Variants in GLI3 observed in about 807,000 individuals in gnomAD.
GLI3 encodes GLI family zinc finger 3.
In GLI3, 20 loss-of-function variants were observed where a neutral mutation model predicts 100.8. The ratio of observed to expected loss-of-function variants is 0.20; its 90% CI spans 0.14 to 0.29. GLI3 has a LOEUF of 0.29. GLI3 is among the 10% of genes least tolerant of loss of function. The pLI, the probability that GLI3 is intolerant of heterozygous loss-of-function variation, is 1.00. For synonymous variants in GLI3, 938 were observed against 860.5 expected, an observed-to-expected ratio of 1.09 and a Z score of -1.58; for missense variants, 2,040 against 2,128.5, an observed-to-expected ratio of 0.96 and a Z score of 0.82.
chr7:41,987,077 A>C (rs1787845870), intron 10 of GLI3, among the ~76,000 whole-genome samples: 1 of 134,250 alleles, frequency 7.4e-6, no homozygotes. Context: ...AACTTCTGCT[A>C]CAACATACAC....
intron 2 of GLI3, among the ~76,000 whole-genome samples, chr7:42,183,172 C>T (rs111337432): frequency 0.072 from 10,933 of 151,946 alleles, 434 homozygotes; most frequent in Middle Eastern, 0.11. Flanking sequence ...TGCAGTGAGC[C>T]GAGATTGCGC....
intron 3 of GLI3, among the ~76,000 whole-genome samples, chr7:42,126,039 G>T (rs1253179453): frequency 6.6e-6 from 1 of 151,948 alleles, no homozygotes; most frequent in African/African-American, 2.4e-5. Flanking sequence ...AACTTAAAAG[G>T]AATTTTTTTA....
intron 4 of GLI3, among the ~76,000 whole-genome samples, chr7:42,060,279 T>C (rs1784540395): frequency 6.6e-6 from 1 of 152,184 alleles, no homozygotes; most frequent in Admixed American, 6.5e-5. Context: ...CCTTGTTGAG[T>C]ACTGATTTCC....
At position 41,966,658 on chromosome 7, in the gene GLI3, G is replaced by A. The variant is rs766990030; in HGVS notation, c.2432-17C>T. 1.9e-6 allele frequency: 3 copies of A among 1,613,698 alleles called. No homozygotes were observed. The highest frequency in any genetic ancestry group is 2.5e-6 in the Non-Finnish European group (3 of 1,179,820). ...ACTGTGTGCCTGGAGACAGAGAAAG[G>A]GAGAGACCATGCGGAGATGAATTCC... On this transcript the variant is annotated splice_polypyrimidine_tract_variant and intron_variant, in intron 14 of 14. Transcript: ENST00000395925. The surrounding 1 kb of genome is among the most constrained non-coding windows in gnomAD (Gnocchi z 5.8).
intron 10 of GLI3, among the ~76,000 whole-genome samples, chr7:41,982,712 A>T (rs866946221): frequency 6.6e-6 from 1 of 151,960 alleles, no homozygotes; most frequent in Non-Finnish European, 1.5e-5. Flanking sequence ...AAAAAAAAAA[A>T]AAAGAAAATA....
intron 2 of GLI3, among the ~76,000 whole-genome samples, chr7:42,205,128 T>C (rs143007848): frequency 6.4e-4 from 98 of 152,324 alleles, no homozygotes; most frequent in Middle Eastern, 3.4e-3. Context: ...AAGGGATGTA[T>C]AGCCTGCTAT....
intron 2 of GLI3, among the ~76,000 whole-genome samples, chr7:42,185,354 C>G (rs1048572445): frequency 3.3e-5 from 5 of 152,216 alleles, no homozygotes. Flanking sequence ...AGGCTGCTTT[C>G]TTATTCCCTA....
chr7:42,188,702 A>C (rs1787767535), intron 2 of GLI3, among the ~76,000 whole-genome samples: 1 of 152,230 alleles, frequency 6.6e-6, no homozygotes. Context: ...AAAGACATGG[A>C]GGAAACTTAT....
chr7:42,101,399 G>A (rs764748875), intron 3 of GLI3, among the ~76,000 whole-genome samples: 40 of 152,030 alleles, frequency 2.6e-4, no homozygotes, highest in Non-Finnish European at 3.2e-4. Context: ...CCAAGAGTTC[G>A]AGACCACCCT....
intron 10 of GLI3, among the ~76,000 whole-genome samples, chr7:42,018,639 C>T (rs1788840026): frequency 6.6e-6 from 1 of 152,160 alleles, no homozygotes; most frequent in South Asian, 2.1e-4. Context: ...CATTTTCATG[C>T]TGCTGATGTA....
At position 42,023,586 on chromosome 7, in the gene GLI3, A is replaced by C; in HGVS notation, c.1379T>G (p.Leu460Arg). Reference protein sequence around the residue: ...GQQEQPEGTTLVKEEGDKDES... With the variant: ...GQQEQPEGTTRVKEEGDKDES... ...ATCTTTGTCCCCTTCCTCCTTGACAAGGGTTGTTCCTTCGGGCTGTTCCTG... is the reference window on the plus strand; with the variant it reads ...ATCTTTGTCCCCTTCCTCCTTGACACGGGTTGTTCCTTCGGGCTGTTCCTG... Residue 460 changes from leucine (L) to arginine (R), a missense_variant, in exon 10 of 15, where the codon CTT (leucine) becomes CGT (arginine). By Grantham distance (102) the Leu-to-Arg change is moderately radical. This residue lies in a region of GLI3 where 603 missense variants were observed against 690.9 expected (regional missense o/e 0.87). Transcript: ENST00000395925. The C allele has an allele frequency of 8.5e-7, 1 of 1,171,318 alleles. No individual in the cohort carries two copies. The highest frequency in any genetic ancestry group is 3.6e-5 in the East Asian group (1 of 27,580). 72.6% of individuals were successfully genotyped at this position (1,171,318 alleles called of 1,614,324 possible).
Position 42,182,703 on chromosome 7 carries a change from T to C in GLI3, c.125-34235A>G, listed in dbSNP as rs751757535. On this transcript the variant is annotated intron_variant, in intron 2 of 14. Coordinates refer to ENST00000395925, the MANE Select transcript of GLI3 (RefSeq NM_000168.6). ...ATATACACATGTGTGTATATATATA[T>C]ACACACATATAAATACACACACACA... is the stretch of plus-strand genomic sequence containing the variant. 3.4e-3 allele frequency among the ~76,000 whole-genome samples: 351 copies of C among 104,240 alleles called. 9 individuals carry two copies. Among genetic ancestry groups the C allele is most frequent in the Non-Finnish European group, 4.0e-3 (221 of 55,212 alleles). 68.4% of individuals were successfully genotyped at this position (104,240 alleles called of 152,430 possible).
At chr7:42,219,991 C>T (rs1456124716) in intron 2 of GLI3, among the ~76,000 whole-genome samples, 1 of 151,770 alleles carries the variant, frequency 6.6e-6, no homozygotes, top group African/African-American at 2.4e-5. Flanking sequence ...GTGGCTGGGA[C>T]TACAGGCACC....
chr7:42,121,078 C>G (rs776652225), intron 3 of GLI3, among the ~76,000 whole-genome samples: 6 of 152,196 alleles, frequency 3.9e-5, no homozygotes, highest in Non-Finnish European at 8.8e-5. Context: ...TTGCCAATGA[C>G]AAAAGGTCAG....
chr7:41,970,932 T>C (rs557381828), intron 13 of GLI3, among the ~76,000 whole-genome samples: 1 of 152,326 alleles, frequency 6.6e-6, no homozygotes, highest in Admixed American at 6.5e-5. Context: ...AAAACACAGT[T>C]TATGAACTGA....
chr7:42,032,223 C>T (rs1403754816), intron 7 of GLI3, among the ~76,000 whole-genome samples: 1 of 151,940 alleles, frequency 6.6e-6, no homozygotes, highest in African/African-American at 2.4e-5. Context: ...TATACAAATC[C>T]CATTTATATT....
At chr7:42,132,702 G>T (rs995365254) in intron 3 of GLI3, among the ~76,000 whole-genome samples, 1 of 152,128 alleles carries the variant, frequency 6.6e-6, no homozygotes, top group Non-Finnish European at 1.5e-5. Flanking sequence ...CCTCTCAGTG[G>T]ATTACAGGCT....
At chr7:42,252,325 A>G (rs984520904) in intron 1 of GLI3, among the ~76,000 whole-genome samples, 10 of 152,152 alleles carry the variant, frequency 6.6e-5, no homozygotes, top group African/African-American at 9.7e-5. Flanking sequence ...GGAACAACAG[A>G]CACTGGGACC....
chr7:42,186,897 C>T (rs1787726649), intron 2 of GLI3, among the ~76,000 whole-genome samples: 1 of 152,008 alleles, frequency 6.6e-6, no homozygotes, highest in Non-Finnish European at 1.5e-5. Flanking sequence ...CTAGAATAAA[C>T]CTGACAAAAT....
Sources: gnomAD v4.1 joint callset for allele counts (sites outside exome capture counted in the v4.1 genomes callset) on GRCh38, gnomAD v4.1.1 for gene constraint, gnomAD v4.1.1 regional missense constraint, Gnocchi (gnomAD v3.1) non-coding constraint, MANE v1.5 for transcripts, NCBI Gene and HGNC (gene_info 2026-07-23, HGNC 2026-07-21) for gene names.